The following AP4E1 variants were observed in gnomAD, a reference collection of about 807,000 sequenced individuals.
AP4E1 encodes AP-4 complex subunit epsilon-1.
Under a neutral mutation model 128.2 loss-of-function variants are expected in AP4E1, and 56 were observed. That is an observed-to-expected ratio of 0.44 (90% confidence interval 0.35 to 0.55). The LOEUF is 0.55. Among genes scored for constraint, AP4E1 ranks in the 20% least tolerant of loss-of-function variants. AP4E1 has a pLI of 0.00. For missense variants in AP4E1, 1,324 were observed against 1,307.7 expected, an observed-to-expected ratio of 1.01 and a Z score of -0.19; for synonymous variants, 484 against 473.1, an observed-to-expected ratio of 1.02 and a Z score of -0.30.
At chr15:50,922,347 A>G (rs558372474) in intron 3 of AP4E1, among the ~76,000 whole-genome samples, 2 of 152,012 alleles carry the variant, frequency 1.3e-5, no homozygotes, top group East Asian at 3.9e-4. Context: ...ACGAAACAAA[A>G]CAAATGCTTT....
At chr15:50,973,634 C>T (rs1451004712) in intron 15 of AP4E1, among the ~76,000 whole-genome samples, 12 of 152,160 alleles carry the variant, frequency 7.9e-5, no homozygotes, top group Non-Finnish European at 1.6e-4. Flanking sequence ...ATGAATTTGA[C>T]CTTTTAGGTA....
At chr15:50,977,711 T>TTTTTGTTC (rs770298007) in intron 15 of AP4E1, among the ~76,000 whole-genome samples, 61 of 85,130 alleles carry the variant, frequency 7.2e-4, no homozygotes, top group Non-Finnish European at 1.3e-3. Flanking sequence ...TTATGGTTTT[T>TTTTTGTTC]TTTTTTTTTT....
rs1055743050 is a variant in AP4E1, at chr15:50,957,595, C to T, written c.1549-897C>T. ...CCTTTTCTGCCTAGAATTCCTCTGC[C>T]TCCTGTCCCTATCCATTCTTTCACT... On this transcript the variant is annotated intron_variant, in intron 13 of 20. Coordinates refer to ENST00000261842, the MANE Select transcript of AP4E1 (RefSeq NM_007347.5). Among the ~76,000 whole-genome samples the T allele has an allele frequency of 1.1e-3, 171 of 152,136 alleles. 1 individual carries two copies. The highest frequency in any genetic ancestry group is 1.8e-4 in the Non-Finnish European group (12 of 68,000).
chr15:50,955,180 C>A (rs764832001), intron 13 of AP4E1, among the ~76,000 whole-genome samples: 2 of 152,106 alleles, frequency 1.3e-5, no homozygotes, highest in Admixed American at 6.6e-5. Context: ...GATTTATAAT[C>A]CTTTGGGTAT....
At chr15:50,990,337 TATTTA>T (rs2064787395) in intron 16 of AP4E1, among the ~76,000 whole-genome samples, 1 of 139,920 alleles carries the variant, frequency 7.1e-6, no homozygotes, top group Non-Finnish European at 1.6e-5. Flanking sequence ...TTTTATTATT[TATTTA>T]ATTTATTATT....
rs912677854 is a variant in AP4E1 at position 50,988,507 on chromosome 15, GTT to G, written c.2090+4364_2090+4365del. ...TTTTTTGTATTTTTAGTAGAGATGG[GTT>G]TCACCATGTTGGCCAGGCTGGTCTC... On this transcript the variant is annotated intron_variant, in intron 16 of 20. Transcript: ENST00000261842. Among the ~76,000 whole-genome samples the G allele has an allele frequency of 4.9e-4, 75 of 151,946 alleles. 1 individual carries two copies. The highest frequency in any genetic ancestry group is 1.3e-3 in the Admixed American group (20 of 15,250).
chr15:50,971,967 G>A (rs12593342), intron 15 of AP4E1, among the ~76,000 whole-genome samples: 35,183 of 151,906 alleles, frequency 0.23, 4,367 homozygotes, highest in East Asian at 0.45. Context: ...ATGATTAGGG[G>A]TCTGTTACTA....
chr15:50,950,267 A>G (rs1377318323), intron 13 of AP4E1, 98 bp downstream of exon 13: 7 of 814,520 alleles, frequency 8.6e-6, no homozygotes, highest in Non-Finnish European at 1.4e-5. Flanking sequence ...TTACTCAGCT[A>G]ACTCCTTCAG....
intron 14 of AP4E1, among the ~76,000 whole-genome samples, chr15:50,961,604 C>G (rs2064314865): frequency 6.6e-6 from 1 of 151,828 alleles, no homozygotes; most frequent in Non-Finnish European, 1.5e-5. Flanking sequence ...AAAAAATACT[C>G]AACGTCATAA....
At chr15:50,955,749 A>G (rs1036400214) in intron 13 of AP4E1, among the ~76,000 whole-genome samples, 3 of 152,164 alleles carry the variant, frequency 2.0e-5, no homozygotes, top group African/African-American at 4.8e-5. Context: ...GCAGGGGAGT[A>G]GGCCTCTCTA....
In AP4E1 at chr15:50,945,621, TCA is replaced by T. The variant is rs1263911836; in HGVS notation, c.1177-2394_1177-2393del. ...ACAAAAGTTGAAGCAGGGAGGTATATCACACAAAGCGAATGCAACATGTTATC... is the reference window on the plus strand; with the variant it reads ...ACAAAAGTTGAAGCAGGGAGGTATATCACAAAGCGAATGCAACATGTTATC... On this transcript the variant is annotated intron_variant, in intron 10 of 20. Coordinates refer to ENST00000261842, the MANE Select transcript of AP4E1 (RefSeq NM_007347.5). 10 of 765,208 alleles carry T rather than the reference TCA, an allele frequency of 1.3e-5. No homozygotes were observed. The East Asian group carries it at 2.2e-4, about 17-fold the overall frequency. The allele number at this position is 765,208 out of a possible 1,614,324, so 47.4% of individuals were successfully genotyped here.
chr15:50,975,026 G>A (rs909648160), intron 15 of AP4E1, among the ~76,000 whole-genome samples: 1 of 152,102 alleles, frequency 6.6e-6, no homozygotes, highest in Non-Finnish European at 1.5e-5. Flanking sequence ...TTAATTTGAT[G>A]TATTGCCACT....
At chr15:50,908,506 G>A, upstream of AP4E1, 1 of 379,842 alleles carries the variant, frequency 2.6e-6, no homozygotes, top group Non-Finnish European at 4.6e-6. Flanking sequence ...CGGTTCTGGG[G>A]GATTCCGGAA....
At chr15:50,986,197 G>A (rs1280807626) in intron 16 of AP4E1, among the ~76,000 whole-genome samples, 1 of 152,084 alleles carries the variant, frequency 6.6e-6, no homozygotes, top group Non-Finnish European at 1.5e-5. Context: ...TCAGCTTAAG[G>A]AGATTTTGGG....
intron 13 of AP4E1, among the ~76,000 whole-genome samples, chr15:50,952,779 A>G (rs1003441484): frequency 6.6e-6 from 1 of 151,902 alleles, no homozygotes; most frequent in African/African-American, 2.4e-5. Flanking sequence ...AGAATGTCCT[A>G]CATTCTGGAT....
At chr15:50,931,007 C>T in intron 7 of AP4E1, 36 bp downstream of exon 7, 1 of 1,610,622 alleles carries the variant, frequency 6.2e-7, no homozygotes, top group Non-Finnish European at 8.5e-7. Flanking sequence ...TAATGACCCC[C>T]ATACCAGATG....
intron 14 of AP4E1, among the ~76,000 whole-genome samples, chr15:50,968,052 T>C (rs2064418561): frequency 6.6e-6 from 1 of 152,212 alleles, no homozygotes. Flanking sequence ...ACTCCTGGCC[T>C]CAAGTGATCC....
chr15:50,959,360 A>G (rs1451037332), intron 14 of AP4E1, among the ~76,000 whole-genome samples: 1 of 152,222 alleles, frequency 6.6e-6, no homozygotes, highest in Non-Finnish European at 1.5e-5. Context: ...TATCAGACAA[A>G]TAGTGGATTT....
intron 13 of AP4E1, among the ~76,000 whole-genome samples, chr15:50,954,483 T>C (rs543951927): frequency 1.1e-4 from 16 of 152,194 alleles, no homozygotes; most frequent in Middle Eastern, 6.8e-3. Context: ...TTGTTGTTTT[T>C]CCCCCCCTTG....
Sources: allele counts gnomAD v4.1 joint callset (sites outside exome capture counted in the v4.1 genomes callset), GRCh38; gene constraint gnomAD v4.1.1; transcripts MANE v1.5; gene names NCBI Gene and HGNC (gene_info 2026-07-23, HGNC 2026-07-21).